Variants in RASAL3 observed in about 807,000 individuals in gnomAD.
RASAL3 encodes RAS protein activator like 3.
Under a neutral mutation model 105.5 loss-of-function variants are expected in RASAL3, and 74 were observed. The observed-to-expected ratio is 0.70, with a 90% CI of 0.58 to 0.85. The LOEUF (loss-of-function observed/expected upper bound fraction) is 0.85. RASAL3 is among the 40% of genes least tolerant of loss of function. RASAL3 has a pLI of 0.00. For missense variants in RASAL3, 1,352 were observed against 1,392.0 expected (o/e 0.97, Z 0.46); for synonymous variants, 579 against 591.6 (o/e 0.98, Z 0.31).
chr19:15,460,820 G>A (rs941365334), intron 5 of RASAL3, among the ~76,000 whole-genome samples: 4 of 152,102 alleles, frequency 2.6e-5, no homozygotes, highest in African/African-American at 9.7e-5. Context: ...TCAGCCTCCC[G>A]AGTAGCTTGG....
intron 17 of RASAL3, 32 bp downstream of exon 17, chr19:15,452,013 G>A: frequency 6.2e-7 from 1 of 1,613,886 alleles, no homozygotes. Flanking sequence ...CCACCGCCCA[G>A]ACCTGCCCCA....
intron 7 of RASAL3, 50 bp downstream of exon 7, chr19:15,458,478 AG>A: frequency 6.2e-7 from 1 of 1,613,526 alleles, no homozygotes; most frequent in East Asian, 2.2e-5. Flanking sequence ...GTGAAGCCAA[AG>A]GGTGGGAGGT....
chr19:15,461,399 G>A (rs1970505603), intron 3 of RASAL3, 72 bp downstream of exon 3: 1 of 1,525,942 alleles, frequency 6.6e-7, no homozygotes, highest in Non-Finnish European at 8.9e-7. Flanking sequence ...CCTCCCTCCA[G>A]CCCCTGCCTC....
intron 6 of RASAL3, 67 bp downstream of exon 6, chr19:15,460,136 T>C: frequency 2.3e-6 from 3 of 1,322,990 alleles, no homozygotes; most frequent in African/African-American, 2.9e-5. Flanking sequence ...TGGAATGATA[T>C]GCAGGAGGTG....
At chr19:15,458,715 T>A in intron 6 of RASAL3, 60 bp from the exon 7 acceptor site, 1 of 1,575,430 alleles carries the variant, frequency 6.3e-7, no homozygotes, top group Non-Finnish European at 8.6e-7. Flanking sequence ...CCCCATAGCC[T>A]GAAGGGTAGA....
chr19:15,451,638 A>G lies in RASAL3; in HGVS notation c.*157T>C. On this transcript the variant is annotated 3_prime_UTR_variant, in exon 18 of 18. Coordinates refer to ENST00000343625, the MANE Select transcript of RASAL3 (RefSeq NM_022904.3). ...GAAACCACCAATTTCACTGAAATCA[A>G]GATTTTACTGGGCAACTTCATACTG... 1.4e-6 allele frequency: 1 copy of G among 735,606 alleles called. No individual in the cohort carries two copies. Among genetic ancestry groups the G allele is most frequent in the Non-Finnish European group, 2.1e-6 (1 of 472,760 alleles). 45.6% of individuals were successfully genotyped at this position (735,606 alleles called of 1,614,324 possible).
chr19:15,452,537 C>T, intron 16 of RASAL3, 121 bp downstream of exon 16: 1 of 734,632 alleles, frequency 1.4e-6, no homozygotes, highest in Non-Finnish European at 1.9e-6. Flanking sequence ...CTTATTGGGG[C>T]GGGGCCAGGG....
Position 15,457,203 on chromosome 19 carries a change from C to T in RASAL3, c.1431+89G>A, listed in dbSNP as rs1970349366. 1 of 1,088,726 alleles carries T rather than the reference C, an allele frequency of 9.2e-7. No homozygotes were observed. Among genetic ancestry groups the T allele is most frequent in the Non-Finnish European group, 1.2e-6 (1 of 854,632 alleles). The allele number at this position is 1,088,726 out of a possible 1,614,324, so 67.4% of individuals were successfully genotyped here. ...CAAGGTGTCTCCCCCATTACAGGTG[C>T]AACTCAGGTCCTGCGCCCCAACTCC... On this transcript the variant is annotated intron_variant, in intron 9 of 17. Transcript: ENST00000343625. The surrounding 1 kb of genome is among the most constrained non-coding windows in gnomAD (Gnocchi z 8.6).
chr19:15,454,705 G>A lies in RASAL3; in HGVS notation c.1910C>T (p.Thr637Ile), dbSNP rs1447161313. 6.2e-7 allele frequency: 1 copy of A among 1,611,400 alleles called. No individual in the cohort carries two copies. The highest frequency in any genetic ancestry group is 1.7e-5 in the Admixed American group (1 of 59,648). Residue 637 changes from threonine to isoleucine, a missense_variant, in exon 12 of 18, where the codon ACC (threonine) becomes ATC (isoleucine). Thr to Ile is a moderately conservative substitution (Grantham distance 89, BLOSUM62 -1). Transcript: ENST00000343625. Reference protein sequence around the residue: ...PDHPAPGPARTLTLIAKVIQN... With the variant: ...PDHPAPGPARILTLIAKVIQN... ...GATGACCTTGGCAATCAGTGTGAGG[G>A]TGCGGGCTGGGCCGGGTGCTGGATG...
Position 15,453,491 on chromosome 19 carries a change from G to C in RASAL3, c.2286C>G (p.Ser762=). 1 of 1,525,060 alleles carries C rather than the reference G, an allele frequency of 6.6e-7. No homozygotes were observed. The highest frequency in any genetic ancestry group is 8.7e-7 in the Non-Finnish European group (1 of 1,146,262). 94.5% of individuals were successfully genotyped at this position (1,525,060 alleles called of 1,614,324 possible). ...LPPAQVHSSL[S]AGEKPGFLAP... ...CCAGGAAGCCGGGCTTCTCCCCTGC[G>C]GAGAGGCTAGGGGTGGGATGGAGGA... Residue 762 remains serine (S), a synonymous_variant, in exon 15 of 18, where the codon TCC becomes TCG. Coordinates refer to ENST00000343625, the MANE Select transcript of RASAL3 (RefSeq NM_022904.3). The surrounding 1 kb of genome is among the most constrained non-coding windows in gnomAD (Gnocchi z 4.2).
chr19:15,457,487 G>T lies in RASAL3; in HGVS notation c.1236C>A (p.Gly412=), dbSNP rs768375941. The T allele has an allele frequency of 8.3e-6, 10 of 1,205,608 alleles. No homozygotes were observed. The highest frequency in any genetic ancestry group is 1.0e-5 in the Non-Finnish European group (10 of 965,776). 74.7% of individuals were successfully genotyped at this position (1,205,608 alleles called of 1,614,324 possible). A position where few individuals can be genotyped will look rare whatever the true frequency, so the allele number is the denominator to read the frequency against. ...RWFPLLGAPA[G]AALRARIRAR... ...CCCGAATCCGCGCCCGCAGCGCTGC[G>T]CCCGCCGGCGCCCCGAGCAGCGGGA... The change falls in exon 9 of 18, where the codon GGC becomes GGA. Residue 412 remains glycine (G), a synonymous_variant. Transcript: ENST00000343625. The surrounding 1 kb of genome is among the most constrained non-coding windows in gnomAD (Gnocchi z 8.6).
chr19:15,453,973 TC>T lies in RASAL3; in HGVS notation c.2279+175del, dbSNP rs1264955393. On this transcript the variant is annotated intron_variant, in intron 14 of 17. Coordinates refer to ENST00000343625, the MANE Select transcript of RASAL3 (RefSeq NM_022904.3). The surrounding 1 kb of genome is among the most constrained non-coding windows in gnomAD (Gnocchi z 4.2). ...CTCTCCACCCTAACCTCTCCTCTCATCCCCGACCTCAAACACACTGTGACCT... is the reference window on the plus strand; with the variant it reads ...CTCTCCACCCTAACCTCTCCTCTCATCCCGACCTCAAACACACTGTGACCT... Among the ~76,000 whole-genome samples, 1 of 152,108 alleles carries T rather than the reference TC, an allele frequency of 6.6e-6. No homozygotes were observed. Among genetic ancestry groups the T allele is most frequent in the East Asian group, 1.9e-4 (1 of 5,186 alleles).
At position 15,454,353 on chromosome 19, in the gene RASAL3, G is replaced by A. The variant is rs780733928; in HGVS notation, c.2160+8C>T. The A allele has an allele frequency of 6.2e-7, 1 of 1,606,240 alleles. No homozygotes were observed. The highest frequency in any genetic ancestry group is 8.5e-7 in the Non-Finnish European group (1 of 1,175,990). On this transcript the variant is annotated splice_region_variant and intron_variant, in intron 13 of 17. Coordinates refer to ENST00000343625, the MANE Select transcript of RASAL3 (RefSeq NM_022904.3). ...TTCTTGCCTCCCTACTCTGGGTTCA[G>A]GCCATACCTGGTCAAGCTCAGCAAA...
In RASAL3 at chr19:15,464,330, G is replaced by T; in HGVS notation, c.29C>A (p.Ser10Tyr). MDPPSPSRTSQTQPTATSPL... is the reference protein window; with the variant it reads MDPPSPSRTYQTQPTATSPL... Reference sequence around the variant, plus strand: ...AGAGGTGGCTGTGGGCTGGGTTTGGGAGGTCCGGCTTGGCGACGGTGGGTC... The same window carrying T: ...AGAGGTGGCTGTGGGCTGGGTTTGGTAGGTCCGGCTTGGCGACGGTGGGTC... The change falls in exon 2 of 18, where the codon TCC becomes TAC. Residue 10 changes from serine to tyrosine, a missense_variant. Physicochemically the swap from Ser to Tyr is moderately radical, Grantham distance 144 (BLOSUM62 -2). Around this residue, in one of 3 missense-constraint regions of RASAL3, gnomAD observed 344 missense variants for 339.6 expected, o/e 1.01. Coordinates refer to ENST00000343625, the MANE Select transcript of RASAL3 (RefSeq NM_022904.3). The T allele has an allele frequency of 6.2e-7, 1 of 1,609,450 alleles. No individual in the cohort carries two copies. Among genetic ancestry groups the T allele is most frequent in the South Asian group, 1.1e-5 (1 of 90,760 alleles).
Position 15,456,775 on chromosome 19 carries a change from T to C in RASAL3, c.1432-129A>G, listed in dbSNP as rs1970335183. On this transcript the variant is annotated intron_variant, in intron 9 of 17. Transcript: ENST00000343625. This position sits in a 1 kb window ranked among gnomAD's most constrained non-coding sequence, Gnocchi z 4.4. ...GTAGCTGATGCTTAGGCCCAGTCCT[T>C]ACTGCTGGGGCTCATAACCGAGGCC... is the stretch of plus-strand genomic sequence containing the variant. 1 of 1,139,644 alleles carries C rather than the reference T, an allele frequency of 8.8e-7. No homozygotes were observed. The highest frequency in any genetic ancestry group is 1.5e-5 in the African/African-American group (1 of 64,612). The allele number at this position is 1,139,644 out of a possible 1,614,324, so 70.6% of individuals were successfully genotyped here.
In RASAL3 at chr19:15,460,270, G is replaced by C. The variant is rs765278733; in HGVS notation, c.607-12C>G. 5.6e-6 allele frequency: 9 copies of C among 1,603,348 alleles called. No individual in the cohort carries two copies. The highest frequency in any genetic ancestry group is 6.0e-6 in the Non-Finnish European group (7 of 1,174,684). On this transcript the variant is annotated splice_polypyrimidine_tract_variant and intron_variant, in intron 5 of 17. Transcript: ENST00000343625. ...CTCTTGAGCAACCCCTGTGGGGAAG[G>C]GAATGTCAGCTGGACAGAAATCTGT...
chr19:15,451,757 T>G lies in RASAL3; in HGVS notation c.*38A>C. On this transcript the variant is annotated 3_prime_UTR_variant, in exon 18 of 18. Coordinates refer to ENST00000343625, the MANE Select transcript of RASAL3 (RefSeq NM_022904.3). ...ACCCCCCCTAAGATGGCTATCTCTC[T>G]GCTCCCAGACCACGTGTGATGAGGC... The G allele has an allele frequency of 6.4e-7, 1 of 1,561,230 alleles. No homozygotes were observed.
chr19:15,452,035 G>A lies in RASAL3; in HGVS notation c.2892+10C>T. 1.2e-6 allele frequency: 2 copies of A among 1,613,938 alleles called. No homozygotes were observed. The highest frequency in any genetic ancestry group is 1.7e-6 in the Non-Finnish European group (2 of 1,179,860). ...CCAGACCTGCCCCAGGGCTCAGATG[G>A]CAATCTCACCAGGTTTTTCAGACTG... is the stretch of plus-strand genomic sequence containing the variant. On this transcript the variant is annotated intron_variant, in intron 17 of 17. Transcript: ENST00000343625.
In RASAL3 at chr19:15,452,065, C is replaced by T. The variant is rs758981220; in HGVS notation, c.2872G>A (p.Gly958Arg). The change falls in exon 17 of 18, where the codon GGG (glycine) becomes AGG (arginine). Residue 958 changes from glycine to arginine, a missense_variant. By Grantham distance (125) the Gly-to-Arg change is moderately radical (BLOSUM62 -2). Coordinates refer to ENST00000343625, the MANE Select transcript of RASAL3 (RefSeq NM_022904.3). ...DSEHNLTSNE[G>R]HSLKNLEHRL... is the part of the protein sequence containing the mutation. ...CTCACCAGGTTTTTCAGACTGTGCC[C>T]TTCATTGCTTGTTAGGTTGTGCTCT... is the stretch of plus-strand genomic sequence containing the variant. The T allele has an allele frequency of 6.8e-5, 109 of 1,613,818 alleles. No individual in the cohort carries two copies. The highest frequency in any genetic ancestry group is 6.6e-5 in the Non-Finnish European group (78 of 1,179,878).
Sources: gnomAD v4.1 joint callset for allele counts (sites outside exome capture counted in the v4.1 genomes callset) on GRCh38, gnomAD v4.1.1 for gene constraint, gnomAD v4.1.1 regional missense constraint, Gnocchi (gnomAD v3.1) non-coding constraint, MANE v1.5 for transcripts, NCBI Gene and HGNC (gene_info 2026-07-23, HGNC 2026-07-21) for gene names.